Variants in SLCO5A1 observed in about 807,000 individuals in gnomAD.
SLCO5A1 encodes solute carrier organic anion transporter family member 5A1.
A neutral mutation model predicts 65.1 loss-of-function variants in SLCO5A1; 39 were observed. The observed-to-expected ratio is 0.60, with a 90% CI of 0.46 to 0.78. The LOEUF is 0.78. SLCO5A1 is among the 30% of genes least tolerant of loss of function. The pLI, the probability that SLCO5A1 is intolerant of heterozygous loss-of-function variation, is 0.00. For missense variants in SLCO5A1, 1,029 were observed against 1,069.4 expected, an observed-to-expected ratio of 0.96 and a Z score of 0.53; for synonymous variants, 438 against 415.7, an observed-to-expected ratio of 1.05 and a Z score of -0.65.
At chr8:69,825,824 C>T (rs960651646) in intron 2 of SLCO5A1, among the ~76,000 whole-genome samples, 1 of 152,174 alleles carries the variant, frequency 6.6e-6, no homozygotes, top group Non-Finnish European at 1.5e-5. Flanking sequence ...ATTGCCAAGT[C>T]AATCCTAAGC....
At chr8:69,769,362 T>C (rs1044378806) in intron 2 of SLCO5A1, among the ~76,000 whole-genome samples, 16 of 152,168 alleles carry the variant, frequency 1.1e-4, no homozygotes, top group African/African-American at 3.6e-4. Flanking sequence ...ATCACACTTT[T>C]CTGAATCTGC....
chr8:69,680,563 T>C (rs1489112060), intron 7 of SLCO5A1, among the ~76,000 whole-genome samples: 1 of 152,234 alleles, frequency 6.6e-6, no homozygotes, highest in African/African-American at 2.4e-5. Flanking sequence ...ATTCCATGTC[T>C]TTACTATTGT....
intron 2 of SLCO5A1, among the ~76,000 whole-genome samples, chr8:69,789,447 T>C (rs567519213): frequency 6.6e-6 from 1 of 152,294 alleles, no homozygotes; most frequent in African/African-American, 2.4e-5. Context: ...TCAAAGACAG[T>C]AAGGGTCTTC....
At chr8:69,775,340 A>G (rs1489651925) in intron 2 of SLCO5A1, among the ~76,000 whole-genome samples, 1 of 152,246 alleles carries the variant, frequency 6.6e-6, no homozygotes, top group Non-Finnish European at 1.5e-5. Flanking sequence ...CTTAATTAGT[A>G]TCTGGGGCAT....
intron 5 of SLCO5A1, among the ~76,000 whole-genome samples, chr8:69,723,305 G>A (rs957594442): frequency 1.3e-5 from 2 of 152,232 alleles, no homozygotes; most frequent in Middle Eastern, 6.8e-3. Flanking sequence ...AGGCTGGAGT[G>A]CAGTGGTGCG....
At position 69,673,311 on chromosome 8, in the gene SLCO5A1, G is replaced by A; in HGVS notation, c.2105C>T (p.Pro702Leu). 6.2e-7 allele frequency: 1 copy of A among 1,613,336 alleles called. No individual in the cohort carries two copies. The highest frequency in any genetic ancestry group is 8.5e-7 in the Non-Finnish European group (1 of 1,179,362). The stretch of plus-strand genomic sequence containing the variant: ...GTCAATGACTGCTCCAAAGTAGATT[G>A]GAGTAGGAATGTATGCTAGAGGGGT... ...LLRTLAYIPT[P>L]IYFGAVIDTT... Residue 702 changes from proline (P) to leucine (L), a missense_variant, in exon 10 of 10, where the codon CCA becomes CTA. Physicochemically the swap from Pro to Leu is moderately conservative, Grantham distance 98 (BLOSUM62 -3). Transcript: ENST00000260126.
At chr8:69,823,353 C>T (rs1428361202) in intron 2 of SLCO5A1, among the ~76,000 whole-genome samples, 1 of 152,168 alleles carries the variant, frequency 6.6e-6, no homozygotes, top group Non-Finnish European at 1.5e-5. Flanking sequence ...CAAGACCCAT[C>T]AGTGTGCTGT....
intron 5 of SLCO5A1, among the ~76,000 whole-genome samples, chr8:69,722,526 C>T (rs912557738): frequency 6.6e-6 from 1 of 152,098 alleles, no homozygotes; most frequent in Non-Finnish European, 1.5e-5. Flanking sequence ...AACTAAGATA[C>T]ATGAATGACA....
At chr8:69,673,543 C>A (rs766967241) in intron 9 of SLCO5A1, among the ~76,000 whole-genome samples, 21 of 151,970 alleles carry the variant, frequency 1.4e-4, no homozygotes, top group Non-Finnish European at 2.2e-4. Flanking sequence ...TCGAGTTAGC[C>A]ACCCAGAATG....
intron 5 of SLCO5A1, among the ~76,000 whole-genome samples, chr8:69,720,620 G>A (rs1372983237): frequency 6.6e-6 from 1 of 152,186 alleles, no homozygotes; most frequent in Non-Finnish European, 1.5e-5. Flanking sequence ...CAACCCATTG[G>A]AACAAGAGAA....
At chr8:69,689,521 T>C (rs1814150200) in intron 6 of SLCO5A1, among the ~76,000 whole-genome samples, 1 of 140,714 alleles carries the variant, frequency 7.1e-6, no homozygotes, top group Non-Finnish European at 1.5e-5. Flanking sequence ...TTGTATAAGG[T>C]GTAAGGAAGG....
intron 2 of SLCO5A1, chr8:69,794,249 T>C: frequency 2.1e-6 from 1 of 473,744 alleles, no homozygotes; most frequent in South Asian, 1.7e-5. Context: ...GTCAAAAGCT[T>C]CCACCAGAAT....
chr8:69,683,680 A>G (rs760194462), intron 6 of SLCO5A1, among the ~76,000 whole-genome samples: 22 of 151,790 alleles, frequency 1.4e-4, no homozygotes, highest in Non-Finnish European at 2.6e-4. Context: ...CGCCTGCCTC[A>G]GCCTCCCGAG....
intron 6 of SLCO5A1, among the ~76,000 whole-genome samples, chr8:69,695,950 A>T (rs1782005553): frequency 6.6e-6 from 1 of 152,256 alleles, no homozygotes; most frequent in Non-Finnish European, 1.5e-5. Context: ...AAATAAAAAC[A>T]GAGCCACCAT....
At chr8:69,815,744 G>C (rs1340355859) in intron 2 of SLCO5A1, among the ~76,000 whole-genome samples, 1 of 149,964 alleles carries the variant, frequency 6.7e-6, no homozygotes, top group Non-Finnish European at 1.5e-5. Flanking sequence ...CCAATAATAT[G>C]GTCCAGGAAA....
At chr8:69,705,707 T>C (rs1814939787) in intron 5 of SLCO5A1, among the ~76,000 whole-genome samples, 1 of 152,252 alleles carries the variant, frequency 6.6e-6, no homozygotes, top group African/African-American at 2.4e-5. Flanking sequence ...TGTACGAATG[T>C]AATGTATAAA....
rs1290968944 is a variant in SLCO5A1 at position 69,832,258 on chromosome 8, A to G, written c.416T>C (p.Phe139Ser). Reference protein sequence around the residue: ...CFLVCMCFLTFIQALMVSGYL... With the variant: ...CFLVCMCFLTSIQALMVSGYL... ...CCCAGAGACCATTAACGCCTGGATG[A>G]AGGTCAGAAAGCACATGCACACCAG... Residue 139 changes from phenylalanine to serine, a missense_variant, in exon 2 of 10, where the codon TTC becomes TCC. Coordinates refer to ENST00000260126, the MANE Select transcript of SLCO5A1 (RefSeq NM_030958.3). The surrounding 1 kb of genome is among the most constrained non-coding windows in gnomAD (Gnocchi z 4.5). 1 of 1,614,128 alleles carries G rather than the reference A, an allele frequency of 6.2e-7. No individual in the cohort carries two copies. Among genetic ancestry groups the G allele is most frequent in the Admixed American group, 1.7e-5 (1 of 60,024 alleles).
At chr8:69,779,071 A>G (rs941755333) in intron 2 of SLCO5A1, among the ~76,000 whole-genome samples, 1 of 152,192 alleles carries the variant, frequency 6.6e-6, no homozygotes, top group East Asian at 1.9e-4. Context: ...AGCGACTGCA[A>G]CAGACATGGT....
chr8:69,804,406 C>T (rs1390171917), intron 2 of SLCO5A1, among the ~76,000 whole-genome samples: 16 of 152,224 alleles, frequency 1.1e-4, no homozygotes, highest in African/African-American at 7.2e-5. Context: ...CTCCACCTTC[C>T]GAGTTCAAGC....
Sources: gnomAD v4.1 joint callset for allele counts (sites outside exome capture counted in the v4.1 genomes callset) on GRCh38, gnomAD v4.1.1 for gene constraint, Gnocchi (gnomAD v3.1) non-coding constraint, MANE v1.5 for transcripts, NCBI Gene and HGNC (gene_info 2026-07-23, HGNC 2026-07-21) for gene names.